GALC: variants seen among roughly 807,000 people sequenced by gnomAD.
GALC encodes galactosylceramidase.
GALC carries 77 observed loss-of-function variants against 91.8 expected under a neutral mutation model. That is an observed-to-expected ratio of 0.84 (90% CI 0.70 to 1.01). GALC has a LOEUF of 1.01. Ranked by LOEUF, GALC falls within the 50% of genes least tolerant of loss-of-function variation. The pLI, the probability that GALC is intolerant of heterozygous loss-of-function variation, is 0.00. For missense variants in GALC, 882 were observed against 855.9 expected, an observed-to-expected ratio of 1.03 and a Z score of -0.38; for synonymous variants, 357 against 306.7, an observed-to-expected ratio of 1.16 and a Z score of -1.71.
chr14:87,941,329 A>G (rs771864129), intron 15 of GALC, 66 bp downstream of exon 15: 98 of 1,009,344 alleles, frequency 9.7e-5, no homozygotes, highest in Non-Finnish European at 1.3e-4. Context: ...CACAAATAAC[A>G]AGTAGGTGCT....
Position 87,941,599 on chromosome 14 carries a change from C to T in GALC, c.1671-41G>A, listed in dbSNP as rs760787183. 15 of 1,286,336 alleles carry T rather than the reference C, an allele frequency of 1.2e-5. No individual in the cohort carries two copies. The African/African-American group carries it at 2.2e-4, about 19-fold the overall frequency. 79.7% of individuals were successfully genotyped at this position (1,286,336 alleles called of 1,614,324 possible). ...GTTGATTAGTACTCTTTAAAATATGCCCTTTGTAACATAGTACAGATATGT... is the reference window on the plus strand; with the variant it reads ...GTTGATTAGTACTCTTTAAAATATGTCCTTTGTAACATAGTACAGATATGT... On this transcript the variant is annotated intron_variant, in intron 14 of 16. Transcript: ENST00000261304.
At chr14:87,957,462 CA>C in intron 10 of GALC, among the ~76,000 whole-genome samples, 1 of 152,006 alleles carries the variant, frequency 6.6e-6, no homozygotes, top group African/African-American at 2.4e-5. Flanking sequence ...GATGCAGTTT[CA>C]TTATTCTATA....
At chr14:87,972,715 G>C (rs939736696) in intron 7 of GALC, among the ~76,000 whole-genome samples, 1 of 151,966 alleles carries the variant, frequency 6.6e-6, no homozygotes, top group Non-Finnish European at 1.5e-5. Context: ...AAAACACAGT[G>C]AGGAATATAG....
chr14:87,963,548 T>C, intron 9 of GALC, 37 bp from the exon 10 acceptor site: 4 of 1,575,852 alleles, frequency 2.5e-6, no homozygotes, highest in Non-Finnish European at 2.6e-6. Flanking sequence ...AAGACAAAAA[T>C]GGTAATAATA....
intron 16 of GALC, among the ~76,000 whole-genome samples, chr14:87,937,936 A>C (rs996689551): frequency 6.6e-6 from 1 of 151,966 alleles, no homozygotes; most frequent in African/African-American, 2.4e-5. Context: ...TTAAAAAAAA[A>C]AAAGTCATTT....
chr14:87,955,028 G>A, intron 10 of GALC: 8 of 1,357,960 alleles, frequency 5.9e-6, no homozygotes, highest in Non-Finnish European at 8.4e-6. Flanking sequence ...ATCACCTATG[G>A]GATGGTCATG....
intron 9 of GALC, among the ~76,000 whole-genome samples, chr14:87,964,355 C>G (rs1225576928): frequency 2.6e-5 from 4 of 152,006 alleles, no homozygotes; most frequent in African/African-American, 9.7e-5. Flanking sequence ...CAAATTCACT[C>G]CAAATTCATA....
chr14:87,986,734 G>T (rs192700286), intron 3 of GALC, 132 bp from the exon 4 acceptor site: 30 of 696,934 alleles, frequency 4.3e-5, no homozygotes, highest in Non-Finnish European at 6.8e-5. Context: ...TGAAGTTGGG[G>T]AAATCATAAT....
upstream of GALC, chr14:87,993,347 G>C (rs1166910214): frequency 2.0e-6 from 3 of 1,535,322 alleles, no homozygotes; most frequent in African/African-American, 4.1e-5. Context: ...TCGCTCGCGT[G>C]TCTGTGGTCA....
At chr14:87,977,929 C>T (rs896897633) in intron 6 of GALC, among the ~76,000 whole-genome samples, 17 of 152,214 alleles carry the variant, frequency 1.1e-4, no homozygotes, top group Admixed American at 1.0e-3. Flanking sequence ...TTCTAGGACA[C>T]CCTAGAAGTC....
intron 6 of GALC, chr14:87,976,692 G>C: frequency 2.1e-6 from 1 of 475,784 alleles, no homozygotes; most frequent in Non-Finnish European, 3.9e-6. Context: ...TCAGCTCACT[G>C]CAACCTCTGC....
upstream of GALC, chr14:87,993,564 C>G (rs971846919): frequency 8.3e-7 from 1 of 1,211,974 alleles, no homozygotes; most frequent in African/African-American, 1.5e-5. Flanking sequence ...CCATTGTCAT[C>G]TTGGTGGAAT....
intron 7 of GALC, among the ~76,000 whole-genome samples, chr14:87,975,190 A>G (rs1886443661): frequency 2.0e-5 from 3 of 152,134 alleles, no homozygotes; most frequent in Admixed American, 2.0e-4. Context: ...TAGATGAGCA[A>G]GTTATATTAA....
intron 10 of GALC, among the ~76,000 whole-genome samples, chr14:87,951,170 G>A (rs1885292814): frequency 6.6e-6 from 1 of 151,670 alleles, no homozygotes; most frequent in Non-Finnish European, 1.5e-5. Flanking sequence ...GTATGGGTGT[G>A]TGTATATATA....
At chr14:87,992,908 G>A (rs1031614296) in intron 1 of GALC, 62 bp downstream of exon 1, 58 of 1,467,060 alleles carry the variant, frequency 4.0e-5, no homozygotes, top group Non-Finnish European at 4.7e-5. Flanking sequence ...GGGGCTTGTG[G>A]GGCTGGCCCC....
chr14:87,985,954 T>C lies in GALC; in HGVS notation c.442+535A>G, dbSNP rs1049765544. Among the ~76,000 whole-genome samples, 12 of 152,310 alleles carry C rather than the reference T, an allele frequency of 7.9e-5. 1 individual carries two copies. The highest frequency in any genetic ancestry group is 2.1e-4 in the South Asian group (1 of 4,828). ...TCCCAGAACAGTAACCAGCACATTATTGAAGTTCAAAAACTAACTAATAAA... is the reference window on the plus strand; with the variant it reads ...TCCCAGAACAGTAACCAGCACATTACTGAAGTTCAAAAACTAACTAATAAA... On this transcript the variant is annotated intron_variant, in intron 4 of 16. Transcript: ENST00000261304.
chr14:87,938,038 T>G (rs10133753), intron 16 of GALC, among the ~76,000 whole-genome samples: 1 of 151,642 alleles, frequency 6.6e-6, no homozygotes, highest in Non-Finnish European at 1.5e-5. Flanking sequence ...TCGAATAATA[T>G]ATATAGTGGA....
At chr14:87,942,608 T>C (rs540509073) in intron 14 of GALC, among the ~76,000 whole-genome samples, 12 of 152,078 alleles carry the variant, frequency 7.9e-5, no homozygotes, top group African/African-American at 2.9e-4. Context: ...ATATCTCACA[T>C]AAAACTGGAA....
intron 5 of GALC, 31 bp downstream of exon 5, chr14:87,984,363 A>G: frequency 6.3e-7 from 1 of 1,590,230 alleles, no homozygotes. Context: ...AAATGTCCAA[A>G]ACTGAATCAT....
Sources: gnomAD v4.1 joint callset for allele counts (sites outside exome capture counted in the v4.1 genomes callset) on GRCh38, gnomAD v4.1.1 for gene constraint, MANE v1.5 for transcripts, NCBI Gene and HGNC (gene_info 2026-07-23, HGNC 2026-07-21) for gene names.